The following DPYD variants were observed in gnomAD, a reference collection of about 807,000 sequenced individuals.
DPYD encodes dihydropyrimidine dehydrogenase.
DPYD carries 109 observed loss-of-function variants against 116.2 expected under a neutral mutation model. That is an observed-to-expected ratio of 0.94 (90% CI 0.80 to 1.10). The LOEUF (loss-of-function observed/expected upper bound fraction) is 1.10, where lower values mean the gene tolerates loss of function less well. Ranked by LOEUF, DPYD falls within the 50% of genes least tolerant of loss-of-function variation. The pLI, the probability that DPYD is intolerant of heterozygous loss-of-function variation, is 0.00. For synonymous variants in DPYD, 440 were observed against 432.0 expected, an observed-to-expected ratio of 1.02 and a Z score of -0.23; for missense variants, 1,302 against 1,254.5, an observed-to-expected ratio of 1.04 and a Z score of -0.57.
intron 2 of DPYD, 95 bp downstream of exon 2, chr1:97,883,169 T>C: frequency 1.3e-6 from 1 of 799,506 alleles, no homozygotes; most frequent in South Asian, 1.5e-5. Flanking sequence ...CGGCTGTACT[T>C]TAATACCTTA....
At chr1:97,346,611 C>T (rs890592307) in intron 16 of DPYD, among the ~76,000 whole-genome samples, 1 of 151,682 alleles carries the variant, frequency 6.6e-6, no homozygotes, top group Non-Finnish European at 1.5e-5. Context: ...AAACATTTAC[C>T]GTACTGCCTA....
intron 20 of DPYD, among the ~76,000 whole-genome samples, chr1:97,149,039 A>G (rs1381122028): frequency 2.0e-5 from 3 of 152,206 alleles, no homozygotes; most frequent in Non-Finnish European, 4.4e-5. Context: ...TCTCTATTGT[A>G]CATACATAAC....
At chr1:97,292,705 C>A (rs184970818) in intron 18 of DPYD, among the ~76,000 whole-genome samples, 1 of 111,012 alleles carries the variant, frequency 9.0e-6, no homozygotes, top group African/African-American at 3.3e-5. Context: ...TGCGTGCACG[C>A]GCGCGCACAC....
chr1:97,854,155 T>C (rs1273950976), intron 2 of DPYD, among the ~76,000 whole-genome samples: 1 of 152,158 alleles, frequency 6.6e-6, no homozygotes, highest in Non-Finnish European at 1.5e-5. Flanking sequence ...TTTTTCTTGA[T>C]TTTTCAAGCC....
intron 1 of DPYD, among the ~76,000 whole-genome samples, chr1:97,900,224 A>G (rs1217506117): frequency 6.6e-6 from 1 of 151,954 alleles, no homozygotes; most frequent in Non-Finnish European, 1.5e-5. Flanking sequence ...ATGGAAAGAC[A>G]GAAACCTGTT....
intron 21 of DPYD, among the ~76,000 whole-genome samples, chr1:97,093,971 A>G (rs186116207): frequency 6.6e-6 from 1 of 151,866 alleles, no homozygotes; most frequent in African/African-American, 2.4e-5. Context: ...TCTCTCCCAA[A>G]CATATGCAAG....
chr1:97,710,824 C>G (rs886538149), intron 5 of DPYD, among the ~76,000 whole-genome samples: 1 of 151,796 alleles, frequency 6.6e-6, no homozygotes, highest in South Asian at 2.1e-4. Flanking sequence ...CTGTCTGGAA[C>G]AGGGTTAATT....
intron 5 of DPYD, among the ~76,000 whole-genome samples, chr1:97,706,382 C>T (rs978398642): frequency 1.3e-4 from 20 of 152,050 alleles, no homozygotes; most frequent in African/African-American, 4.3e-4. Flanking sequence ...CATAGTGGTA[C>T]ATTTGAGTAC....
intron 3 of DPYD, among the ~76,000 whole-genome samples, chr1:97,756,648 A>G (rs1273163704): frequency 6.6e-6 from 1 of 152,064 alleles, no homozygotes. Context: ...TTTCAGAACA[A>G]CCCCACAGAG....
intron 5 of DPYD, 116 bp from the exon 6 acceptor site, chr1:97,699,663 A>C: frequency 9.9e-7 from 1 of 1,006,928 alleles, no homozygotes; most frequent in Non-Finnish European, 1.5e-6. Flanking sequence ...GTACATTTTC[A>C]GTATTAATAT....
chr1:97,899,372 C>G (rs1281721553), intron 1 of DPYD, among the ~76,000 whole-genome samples: 1 of 151,842 alleles, frequency 6.6e-6, no homozygotes, highest in East Asian at 1.9e-4. Context: ...CCATGTAACT[C>G]CATTGGGAGA....
At chr1:97,586,014 A>C (rs1654070882) in intron 10 of DPYD, 2 of 225,922 alleles carry the variant, frequency 8.9e-6, no homozygotes, top group Admixed American at 8.5e-5. Context: ...CCCATCTGAA[A>C]GGATGATGAA....
chr1:97,091,654 A>AT (rs968163163), intron 21 of DPYD, among the ~76,000 whole-genome samples: 2 of 152,180 alleles, frequency 1.3e-5, no homozygotes, highest in African/African-American at 4.8e-5. Flanking sequence ...AAAAATGACA[A>AT]TAACTGTGGC....
rs1027689379 is a variant in DPYD, at chr1:97,547,014, T to C, written c.1524+2546A>G. ...TTTGCACATATTTGCAATTTTTTGCTGTTTTGGAAGTTTATCATAAACCAG... is the reference window on the plus strand; with the variant it reads ...TTTGCACATATTTGCAATTTTTTGCCGTTTTGGAAGTTTATCATAAACCAG... On this transcript the variant is annotated intron_variant, in intron 12 of 22. Coordinates refer to ENST00000370192, the MANE Select transcript of DPYD (RefSeq NM_000110.4). 1.0e-5 allele frequency: 16 copies of C among 1,531,762 alleles called. No homozygotes were observed. In the African/African-American group the frequency reaches 2.2e-4, roughly 21 times the overall value. 94.9% of individuals were successfully genotyped at this position (1,531,762 alleles called of 1,614,324 possible). A position where few individuals can be genotyped will look rare whatever the true frequency, so the allele number is the denominator to read the frequency against.
At chr1:97,286,083 G>A (rs2100957041) in intron 18 of DPYD, among the ~76,000 whole-genome samples, 1 of 152,204 alleles carries the variant, frequency 6.6e-6, no homozygotes, top group African/African-American at 2.4e-5. Context: ...CATGTTTAGC[G>A]CTTCCTTCAG....
intron 8 of DPYD, among the ~76,000 whole-genome samples, chr1:97,607,297 A>G (rs942422389): frequency 1.3e-5 from 2 of 151,928 alleles, no homozygotes; most frequent in African/African-American, 4.8e-5. Context: ...TCAATAGCCT[A>G]TACGTCCTTC....
At chr1:97,803,368 G>A (rs376760618) in intron 3 of DPYD, among the ~76,000 whole-genome samples, 5 of 151,822 alleles carry the variant, frequency 3.3e-5, no homozygotes, top group East Asian at 3.9e-4. Context: ...CTTGTTTCAT[G>A]CTCTTCCTTT....
chr1:97,616,493 A>C (rs1224384003), intron 8 of DPYD, among the ~76,000 whole-genome samples: 2 of 152,160 alleles, frequency 1.3e-5, no homozygotes, highest in African/African-American at 2.4e-5. Flanking sequence ...GAGAGACCAC[A>C]CGGAGATGCT....
intron 1 of DPYD, among the ~76,000 whole-genome samples, chr1:97,892,208 C>T (rs991710539): frequency 6.6e-6 from 1 of 151,750 alleles, no homozygotes; most frequent in African/African-American, 2.4e-5. Flanking sequence ...TCTCAGCTAA[C>T]AGAAAAACAG....
Sources: gnomAD v4.1 joint callset for allele counts (sites outside exome capture counted in the v4.1 genomes callset) on GRCh38, gnomAD v4.1.1 for gene constraint, MANE v1.5 for transcripts, NCBI Gene and HGNC (gene_info 2026-07-23, HGNC 2026-07-21) for gene names.